Variants in GTF2IRD1 observed in about 807,000 individuals in gnomAD.
GTF2IRD1 encodes general transcription factor II-I repeat domain-containing protein 1.
GTF2IRD1 carries 26 observed loss-of-function variants against 113.2 expected under a neutral mutation model. That is an observed-to-expected ratio of 0.23 (90% CI 0.17 to 0.32). The LOEUF (loss-of-function observed/expected upper bound fraction) is 0.32. GTF2IRD1 is among the 10% of genes least tolerant of loss of function. The pLI, the probability that GTF2IRD1 is intolerant of heterozygous loss-of-function variation, is 1.00. For synonymous variants in GTF2IRD1, 484 were observed against 529.1 expected (o/e 0.91, Z 1.17); for missense variants, 864 against 1,280.8 (o/e 0.67, Z 4.97).
intron 22 of GTF2IRD1, among the ~76,000 whole-genome samples, chr7:74,583,896 T>C (rs1324263932): frequency 6.6e-6 from 1 of 152,060 alleles, no homozygotes; most frequent in African/African-American, 2.4e-5. Flanking sequence ...AGCCCCAGCG[T>C]GCAGATGAGC....
At position 74,509,660 on chromosome 7, in the gene GTF2IRD1, A is replaced by AGTTTT. The variant is rs532414856; in HGVS notation, c.123+1483_123+1487dup. ...TTGCCCAAAGTCACACAGCATGACCAGTTTTGTTTTGTTTTGTTTTGTTTT... is the reference window on the plus strand; with the variant it reads ...TTGCCCAAAGTCACACAGCATGACCAGTTTTGTTTTGTTTTGTTTTGTTTTGTTTT... On this transcript the variant is annotated intron_variant, in intron 2 of 26. Coordinates refer to ENST00000424337, the MANE Select transcript of GTF2IRD1 (RefSeq NM_005685.4). 2.5e-3 allele frequency among the ~76,000 whole-genome samples: 358 copies of AGTTTT among 145,504 alleles called. 1 individual carries two copies. Among genetic ancestry groups the AGTTTT allele is most frequent in the African/African-American group, 7.7e-3 (284 of 36,838 alleles).
At chr7:74,558,421 G>A (rs587741579) in intron 20 of GTF2IRD1, among the ~76,000 whole-genome samples, 28 of 128,706 alleles carry the variant, frequency 2.2e-4, no homozygotes, top group Admixed American at 6.6e-4. Context: ...GTACAGTGGC[G>A]TGATCATGGT....
In GTF2IRD1 at chr7:74,460,697, C is replaced by CGTA. The variant is rs1438099682; in HGVS notation, c.-7+6522_-7+6524dup. On this transcript the variant is annotated intron_variant, in intron 1 of 26. Coordinates refer to ENST00000424337, the MANE Select transcript of GTF2IRD1 (RefSeq NM_005685.4). ...TCAGGGATTTCTGGCCAATGTGGTCCGTATATTTAGAGATGCTGGGAGGAG... is the reference window on the plus strand; with the variant it reads ...TCAGGGATTTCTGGCCAATGTGGTCCGTAGTATATTTAGAGATGCTGGGAGGAG... Among the ~76,000 whole-genome samples, 15 of 152,012 alleles carry CGTA rather than the reference C, an allele frequency of 9.9e-5. 1 individual carries two copies. Among genetic ancestry groups the CGTA allele is most frequent in the African/African-American group, 3.6e-4 (15 of 41,464 alleles).
intron 9 of GTF2IRD1, 45 bp from the exon 10 acceptor site, chr7:74,535,068 C>G (rs1554349878): frequency 6.3e-7 from 1 of 1,589,574 alleles, no homozygotes; most frequent in South Asian, 1.1e-5. Flanking sequence ...TGGGAGAGTC[C>G]TCCAGCCTGC....
chr7:74,482,193 G>C (rs1354060860), intron 1 of GTF2IRD1, among the ~76,000 whole-genome samples: 1 of 151,360 alleles, frequency 6.6e-6, no homozygotes, highest in Non-Finnish European at 1.5e-5. Flanking sequence ...TCATCTGACT[G>C]GGTGTCCCAA....
In GTF2IRD1 at chr7:74,601,050, A is replaced by T; in HGVS notation, c.2636A>T (p.Asp879Val). 4 of 1,614,156 alleles carry T rather than the reference A, an allele frequency of 2.5e-6. No homozygotes were observed. Among genetic ancestry groups the T allele is most frequent in the Non-Finnish European group, 3.4e-6 (4 of 1,180,012 alleles). ...CCTTTTCCCCTCCTTCCAGCCAAAG[A>T]CAGCAGCATTCCCAAGCGCAAGAGA... ...ICNDAKVPAKDSSIPKRKRKR... is the reference protein window; with the variant it reads ...ICNDAKVPAKVSSIPKRKRKR... Residue 879 changes from aspartate (D) to valine (V), a missense_variant, in exon 26 of 27, where the codon GAC becomes GTC. Around this residue, in one of 7 missense-constraint regions of GTF2IRD1, gnomAD observed 55 missense variants for 52.2 expected, o/e 1.05. Transcript: ENST00000424337.
chr7:74,500,274 G>A (rs10258226), intron 1 of GTF2IRD1, among the ~76,000 whole-genome samples: 11,924 of 152,086 alleles, frequency 0.078, 1,430 homozygotes, highest in African/African-American at 0.26. Flanking sequence ...ACCACCTCAT[G>A]GTGCTTTTCT....
chr7:74,477,262 G>A (rs1794470094), intron 1 of GTF2IRD1, among the ~76,000 whole-genome samples: 1 of 152,122 alleles, frequency 6.6e-6, no homozygotes, highest in Non-Finnish European at 1.5e-5. Context: ...TACTCAAGAG[G>A]CTGAGTCAGG....
intron 11 of GTF2IRD1, among the ~76,000 whole-genome samples, chr7:74,537,625 G>A (rs1490130566): frequency 6.6e-6 from 1 of 152,096 alleles, no homozygotes; most frequent in Non-Finnish European, 1.5e-5. Flanking sequence ...CCTCTTAGGG[G>A]CAGGGGTGGG....
chr7:74,588,723 G>T (rs1185851184), intron 22 of GTF2IRD1, among the ~76,000 whole-genome samples: 2 of 151,986 alleles, frequency 1.3e-5, no homozygotes, highest in African/African-American at 4.8e-5. Context: ...GTACAGACGG[G>T]GTTTCACCAT....
At chr7:74,499,400 A>AGGG (rs1562805532) in intron 1 of GTF2IRD1, among the ~76,000 whole-genome samples, 1 of 150,396 alleles carries the variant, frequency 6.6e-6, no homozygotes, top group African/African-American at 2.4e-5. Flanking sequence ...GGAAGGGAGG[A>AGGG]AGGGAAGGAA....
chr7:74,591,498 C>T (rs1459491268), intron 24 of GTF2IRD1, among the ~76,000 whole-genome samples: 1 of 151,298 alleles, frequency 6.6e-6, no homozygotes, highest in Non-Finnish European at 1.5e-5. Flanking sequence ...CGTGCCTCAG[C>T]CTCCCAAGTA....
At chr7:74,464,180 C>T (rs1340983376) in intron 1 of GTF2IRD1, among the ~76,000 whole-genome samples, 6 of 152,144 alleles carry the variant, frequency 3.9e-5, no homozygotes, top group African/African-American at 9.7e-5. Flanking sequence ...TGGTGGTTTA[C>T]GGACTCCAGC....
chr7:74,596,459 C>CAA lies in GTF2IRD1; in HGVS notation c.2629+1424_2629+1425dup, dbSNP rs1184751959. Among the ~76,000 whole-genome samples, 96 of 60,474 alleles carry CAA rather than the reference C, an allele frequency of 1.6e-3. 1 individual carries two copies. Among genetic ancestry groups the CAA allele is most frequent in the African/African-American group, 5.4e-3 (80 of 14,830 alleles). 39.7% of individuals were successfully genotyped at this position (60,474 alleles called of 152,430 possible). The stretch of plus-strand genomic sequence containing the variant: ...TGGGCAACAGAGCAAGACTCTGTCT[C>CAA]AAAAAAAAAAAAAAAAAGAAAAAGA... On this transcript the variant is annotated intron_variant, in intron 25 of 26. Transcript: ENST00000424337.
Position 74,555,448 on chromosome 7 carries a change from C to T in GTF2IRD1, c.1977C>T (p.Ser659=), listed in dbSNP as rs1799534324. Residue 659 remains serine, a synonymous_variant, in exon 19 of 27, where the codon TCC becomes TCT. Transcript: ENST00000424337. This position sits in a 1 kb window ranked among gnomAD's most constrained non-coding sequence, Gnocchi z 5.3. ...CTGCCCTGCCCCCAGAGAGGGATTC[C>T]GGGGACCCTCTGGTGGACGAGAGCC... is the stretch of plus-strand genomic sequence containing the variant. ...EPIMDSQERD[S]GDPLVDESLK... is the part of the protein sequence containing the mutation. 5 of 1,613,780 alleles carry T rather than the reference C, an allele frequency of 3.1e-6. No individual in the cohort carries two copies. Among genetic ancestry groups the T allele is most frequent in the Non-Finnish European group, 3.4e-6 (4 of 1,179,664 alleles).
At chr7:74,502,683 G>C (rs369716351) in intron 1 of GTF2IRD1, among the ~76,000 whole-genome samples, 1 of 152,206 alleles carries the variant, frequency 6.6e-6, no homozygotes, top group Non-Finnish European at 1.5e-5. Context: ...CTCAGGGTCC[G>C]GGCAGGCCTC....
At chr7:74,600,581 GA>G (rs1186816420) in intron 25 of GTF2IRD1, among the ~76,000 whole-genome samples, 4 of 152,062 alleles carry the variant, frequency 2.6e-5, no homozygotes, top group African/African-American at 9.7e-5. Flanking sequence ...CGTGGTGGCA[GA>G]CACCTATAAC....
At chr7:74,567,817 G>A (rs587746933) in intron 22 of GTF2IRD1, among the ~76,000 whole-genome samples, 17 of 152,100 alleles carry the variant, frequency 1.1e-4, no homozygotes, top group Admixed American at 3.9e-4. Flanking sequence ...ACAGAGTCTC[G>A]CTCTATTGCC....
intron 8 of GTF2IRD1, among the ~76,000 whole-genome samples, chr7:74,529,012 T>G (rs1332126827): frequency 1.3e-5 from 2 of 151,706 alleles, no homozygotes; most frequent in African/African-American, 4.8e-5. Flanking sequence ...GATGGATGGA[T>G]AGACGGACTG....
Sources: allele counts gnomAD v4.1 joint callset (sites outside exome capture counted in the v4.1 genomes callset), GRCh38; gene constraint gnomAD v4.1.1; regional missense constraint gnomAD v4.1.1; non-coding constraint Gnocchi (gnomAD v3.1); transcripts MANE v1.5; gene names NCBI Gene and HGNC (gene_info 2026-07-23, HGNC 2026-07-21).